Variants in HDAC9 observed in about 807,000 individuals in gnomAD.
The protein encoded by HDAC9 is MEF-2 interacting transcription repressor (MITR) protein.
Under a neutral mutation model 139.4 loss-of-function variants are expected in HDAC9, and 41 were observed. The ratio of observed to expected loss-of-function variants is 0.29; its 90% CI spans 0.23 to 0.38. The LOEUF (loss-of-function observed/expected upper bound fraction) is 0.38. Among genes scored for constraint, HDAC9 ranks in the 10% least tolerant of loss-of-function variants. HDAC9 has a pLI of 1.00. For missense variants in HDAC9, 1,147 were observed against 1,297.0 expected (o/e 0.88, Z 1.78); for synonymous variants, 517 against 476.2 (o/e 1.09, Z -1.12).
At chr7:18,325,029 T>C (rs1800327151) in intron 1 of HDAC9, among the ~76,000 whole-genome samples, 1 of 152,104 alleles carries the variant, frequency 6.6e-6, no homozygotes, top group South Asian at 2.1e-4. Flanking sequence ...ATTGAATATC[T>C]AAGCAGAGAG....
In HDAC9 at chr7:18,644,768, T is replaced by C; in HGVS notation, c.1010T>C (p.Leu337Pro). ...SPSLPNITLG[L>P]PAVPSQLNAS... is the part of the protein sequence containing the mutation. ...TCTTTGCCCAACATTACCTTGGGGCTTCCCGCAGTGCCATCCCAGCTCAAT... is the reference window on the plus strand; with the variant it reads ...TCTTTGCCCAACATTACCTTGGGGCCTCCCGCAGTGCCATCCCAGCTCAAT... Residue 337 changes from leucine (L) to proline (P), a missense_variant, in exon 9 of 26, where the codon CTT (leucine) becomes CCT (proline). Around this residue, in one of 7 missense-constraint regions of HDAC9, gnomAD observed 264 missense variants for 273.8 expected, o/e 0.96. Transcript: ENST00000686413. The C allele has an allele frequency of 1.2e-6, 2 of 1,612,026 alleles. No individual in the cohort carries two copies. The highest frequency in any genetic ancestry group is 1.7e-6 in the Non-Finnish European group (2 of 1,178,880).
intron 1 of HDAC9, among the ~76,000 whole-genome samples, chr7:18,138,197 T>C (rs185553156): frequency 2.8e-3 from 423 of 152,320 alleles, no homozygotes; most frequent in African/African-American, 9.9e-3. Flanking sequence ...CTTCTCTCTT[T>C]TTTTCTTTAT....
At chr7:18,121,229 A>C (rs902548087) in intron 1 of HDAC9, among the ~76,000 whole-genome samples, 1 of 152,204 alleles carries the variant, frequency 6.6e-6, no homozygotes, top group Non-Finnish European at 1.5e-5. Context: ...TCCCTCCTCT[A>C]GAATATTAAA....
At chr7:18,319,032 T>C (rs990538977) in intron 1 of HDAC9, among the ~76,000 whole-genome samples, 5 of 152,190 alleles carry the variant, frequency 3.3e-5, no homozygotes, top group African/African-American at 1.2e-4. Flanking sequence ...TAACCTGTAG[T>C]GTGACAAGCA....
At chr7:18,449,531 T>C (rs1792601846) in intron 1 of HDAC9, among the ~76,000 whole-genome samples, 2 of 152,134 alleles carry the variant, frequency 1.3e-5, no homozygotes, top group South Asian at 4.1e-4. Flanking sequence ...TTGATCTAGC[T>C]GGTTTATTGG....
chr7:18,904,343 T>G lies in HDAC9; in HGVS notation c.2803+29747T>G, dbSNP rs549630970. 3.4e-4 allele frequency among the ~76,000 whole-genome samples: 52 copies of G among 152,286 alleles called. 1 individual carries two copies. The South Asian group carries it at 7.9e-3, about 23-fold the overall frequency. ...GGTGAAAGAATTCACAGATTATCTA[T>G]GATGATCAGGGTGCTGCGTTGCCAC... is the stretch of plus-strand genomic sequence containing the variant. On this transcript the variant is annotated intron_variant, in intron 22 of 25. Coordinates refer to ENST00000686413, the MANE Select transcript of HDAC9 (RefSeq NM_178425.4).
intron 1 of HDAC9, among the ~76,000 whole-genome samples, chr7:18,144,910 T>C (rs1402788293): frequency 6.6e-6 from 1 of 152,210 alleles, no homozygotes; most frequent in Non-Finnish European, 1.5e-5. Context: ...AGAAAGACCT[T>C]GTGATACTGT....
At chr7:18,174,409 T>G (rs999402685) in intron 2 of HDAC9, among the ~76,000 whole-genome samples, 1 of 152,210 alleles carries the variant, frequency 6.6e-6, no homozygotes, top group African/African-American at 2.4e-5. Flanking sequence ...TCCTTTAGCT[T>G]GGAGAAGTTT....
At chr7:18,449,527 T>A (rs1792601575) in intron 1 of HDAC9, among the ~76,000 whole-genome samples, 2 of 152,174 alleles carry the variant, frequency 1.3e-5, no homozygotes, top group Admixed American at 1.3e-4. Flanking sequence ...TTTCTTGATC[T>A]AGCTGGTTTA....
chr7:18,771,100 G>A (rs1459329601), intron 16 of HDAC9, among the ~76,000 whole-genome samples: 2 of 152,090 alleles, frequency 1.3e-5, no homozygotes, highest in Non-Finnish European at 2.9e-5. Context: ...TCCCCTAAGA[G>A]GACTGAGGAT....
chr7:18,108,007 T>G (rs1213679153), intron 1 of HDAC9, among the ~76,000 whole-genome samples: 2 of 152,232 alleles, frequency 1.3e-5, no homozygotes, highest in African/African-American at 4.8e-5. Flanking sequence ...AGGCATTCAG[T>G]AAACTGTTTG....
intron 24 of HDAC9, among the ~76,000 whole-genome samples, chr7:18,960,939 C>T (rs970246296): frequency 6.6e-5 from 10 of 152,252 alleles, no homozygotes; most frequent in Non-Finnish European, 1.0e-4. Flanking sequence ...GCTATGTACA[C>T]AACTAAAAGC....
chr7:18,629,514 G>C, intron 7 of HDAC9, 33 bp downstream of exon 7: 1 of 1,589,360 alleles, frequency 6.3e-7, no homozygotes, highest in Non-Finnish European at 8.6e-7. Flanking sequence ...TATGAATGCT[G>C]GGAGTAGGAA....
chr7:18,622,665 T>C (rs1006724587), intron 6 of HDAC9, among the ~76,000 whole-genome samples: 3 of 151,994 alleles, frequency 2.0e-5, no homozygotes, highest in Admixed American at 6.5e-5. Context: ...TGGTTAATAA[T>C]TAATCATCTT....
chr7:18,977,208 C>G (rs9886098), intron 25 of HDAC9, among the ~76,000 whole-genome samples: 47,358 of 151,970 alleles, frequency 0.31, 8,605 homozygotes, highest in Non-Finnish European at 0.41. Flanking sequence ...ATAATAAGAA[C>G]TAACCCCCTG....
At chr7:18,699,955 A>G (rs756050118) in intron 12 of HDAC9, among the ~76,000 whole-genome samples, 15 of 151,868 alleles carry the variant, frequency 9.9e-5, no homozygotes, top group Admixed American at 2.0e-4. Context: ...TTTTTTTTCT[A>G]TTGACATGTT....
chr7:18,173,530 G>A (rs1328710070), intron 2 of HDAC9, among the ~76,000 whole-genome samples: 1 of 152,186 alleles, frequency 6.6e-6, no homozygotes, highest in Non-Finnish European at 1.5e-5. Context: ...GTTAGTTGAT[G>A]CAGTTTCTTC....
At chr7:18,233,454 C>G (rs1793604130) in intron 2 of HDAC9, among the ~76,000 whole-genome samples, 1 of 151,704 alleles carries the variant, frequency 6.6e-6, no homozygotes, top group Non-Finnish European at 1.5e-5. Flanking sequence ...TAACGGATTT[C>G]ATTCTTTATA....
intron 2 of HDAC9, among the ~76,000 whole-genome samples, chr7:18,508,738 G>T (rs915098455): frequency 6.6e-6 from 1 of 152,182 alleles, no homozygotes; most frequent in Non-Finnish European, 1.5e-5. Flanking sequence ...TTCGCCAGCT[G>T]AAGTTAGAAG....
Sources: gnomAD v4.1 joint callset for allele counts (sites outside exome capture counted in the v4.1 genomes callset) on GRCh38, gnomAD v4.1.1 for gene constraint, gnomAD v4.1.1 regional missense constraint, MANE v1.5 for transcripts, NCBI Gene and HGNC (gene_info 2026-07-23, HGNC 2026-07-21) for gene names.